Variants in TBCD observed in about 807,000 individuals in gnomAD.
The protein encoded by TBCD is tubulin folding cofactor D, also known as tubulin-specific chaperone D.
TBCD carries 105 observed loss-of-function variants against 169.3 expected under a neutral mutation model. The ratio of observed to expected loss-of-function variants is 0.62; its 90% CI spans 0.53 to 0.73. The LOEUF (loss-of-function observed/expected upper bound fraction) is 0.73, where lower values mean the gene tolerates loss of function less well. Among genes scored for constraint, TBCD ranks in the 30% least tolerant of loss-of-function variants. The pLI is 0.00. For missense variants in TBCD, 1,444 were observed against 1,600.1 expected (o/e 0.90, Z 1.66); for synonymous variants, 700 against 643.9 (o/e 1.09, Z -1.32).
At chr17:82,752,491 T>G in intron 1 of TBCD, 114 bp downstream of exon 1, 1 of 850,874 alleles carries the variant, frequency 1.2e-6, no homozygotes, top group Non-Finnish European at 1.5e-6. Flanking sequence ...CTGCGAGGGC[T>G]GCCGGTGCGC....
intron 13 of TBCD, among the ~76,000 whole-genome samples, chr17:82,845,802 G>A (rs1009414685): frequency 6.6e-6 from 1 of 152,240 alleles, no homozygotes; most frequent in African/African-American, 2.4e-5. Context: ...GGACTTGTGA[G>A]CATCTCTCAC....
intron 22 of TBCD, among the ~76,000 whole-genome samples, chr17:82,911,453 T>C (rs1206728506): frequency 2.0e-5 from 3 of 152,150 alleles, no homozygotes; most frequent in African/African-American, 7.2e-5. Context: ...CTGAGATTAG[T>C]TTCTATAAAG....
chr17:82,909,660 G>A (rs1189866889), intron 22 of TBCD, among the ~76,000 whole-genome samples: 1 of 148,258 alleles, frequency 6.7e-6, no homozygotes, highest in African/African-American at 2.6e-5. Context: ...TGTGGGAGGC[G>A]CGTGAGGGTC....
At chr17:82,892,353 A>G (rs376310266) in intron 16 of TBCD, among the ~76,000 whole-genome samples, 2 of 152,036 alleles carry the variant, frequency 1.3e-5, no homozygotes, top group African/African-American at 4.8e-5. Flanking sequence ...CAACAGCTCC[A>G]CCTGGGTGCA....
intron 6 of TBCD, among the ~76,000 whole-genome samples, chr17:82,777,663 T>C (rs1351114543): frequency 6.6e-6 from 1 of 152,240 alleles, no homozygotes; most frequent in Non-Finnish European, 1.5e-5. Flanking sequence ...AATTTGCTAC[T>C]GCTAACTAAA....
In TBCD at chr17:82,864,714, C is replaced by T. The variant is rs370225978; in HGVS notation, c.1319-5510C>T. Among the ~76,000 whole-genome samples, 7 of 152,220 alleles carry T rather than the reference C, an allele frequency of 4.6e-5. No individual in the cohort carries two copies. In the East Asian group the frequency reaches 5.8e-4, roughly 13 times the overall value. On this transcript the variant is annotated intron_variant, in intron 13 of 38. Coordinates refer to ENST00000355528, the MANE Select transcript of TBCD (RefSeq NM_005993.5). The surrounding 1 kb of genome is among the most constrained non-coding windows in gnomAD (Gnocchi z 6.3). Reference sequence around the variant, plus strand: ...CTTGGGGCTTGGTGCGTGATCCCACCGAGGCCGGGGTTGTGCTTGGGGCAC... The same window carrying T: ...CTTGGGGCTTGGTGCGTGATCCCACTGAGGCCGGGGTTGTGCTTGGGGCAC...
At chr17:82,912,203 C>T (rs1374837700) in intron 23 of TBCD, among the ~76,000 whole-genome samples, 3 of 152,140 alleles carry the variant, frequency 2.0e-5, no homozygotes, top group African/African-American at 4.8e-5. Context: ...GACCAAGAGC[C>T]GTTTTGGGCG....
intron 13 of TBCD, among the ~76,000 whole-genome samples, chr17:82,847,356 G>GAAAAAAAAAAAAAAAAAAAAAAA (rs1041994030): frequency 1.2e-5 from 1 of 81,758 alleles, no homozygotes; most frequent in African/African-American, 4.6e-5. Flanking sequence ...CCATGTCAAA[G>GAAAAAAAAAAAAAAAAAAAAAAA]AAAAAAAAAA....
intron 1 of TBCD, among the ~76,000 whole-genome samples, chr17:82,753,630 A>G (rs937220641): frequency 1.4e-5 from 2 of 142,878 alleles, no homozygotes; most frequent in African/African-American, 2.6e-5. Flanking sequence ...CTAATTTTGT[A>G]TTTTTAGTAG....
intron 7 of TBCD, among the ~76,000 whole-genome samples, chr17:82,794,254 C>CA (rs1568142814): frequency 1.3e-5 from 2 of 152,150 alleles, no homozygotes. Flanking sequence ...GAACATGCCC[C>CA]AGGGGGGGGA....
chr17:82,803,444 C>A (rs964138720), intron 9 of TBCD, among the ~76,000 whole-genome samples: 2 of 152,238 alleles, frequency 1.3e-5, no homozygotes, highest in African/African-American at 4.8e-5. Flanking sequence ...GCTTCCTTAT[C>A]TTGGAGTGCC....
chr17:82,841,472 A>G (rs1319365803), intron 13 of TBCD, among the ~76,000 whole-genome samples: 3 of 151,998 alleles, frequency 2.0e-5, no homozygotes, highest in African/African-American at 7.3e-5. Flanking sequence ...CACGGTCACT[A>G]TGCCTGGAGA....
At chr17:82,929,030 G>C in intron 30 of TBCD, 83 bp from the exon 31 acceptor site, 1 of 1,518,308 alleles carries the variant, frequency 6.6e-7, no homozygotes, top group Admixed American at 1.9e-5. Flanking sequence ...CTGGAGTCAC[G>C]GCTCGGACCG....
rs1263279358 is a variant in TBCD, at chr17:82,903,189, A to G, written c.1731-216A>G. 6.6e-6 allele frequency among the ~76,000 whole-genome samples: 1 copy of G among 151,990 alleles called. No individual in the cohort carries two copies. Among genetic ancestry groups the G allele is most frequent in the Non-Finnish European group, 1.5e-5 (1 of 68,004 alleles). On this transcript the variant is annotated intron_variant, in intron 18 of 38. Coordinates refer to ENST00000355528, the MANE Select transcript of TBCD (RefSeq NM_005993.5). This position sits in a 1 kb window ranked among gnomAD's most constrained non-coding sequence, Gnocchi z 4.8. ...GAAAGGCAGCTGTGTCCCAAGAAGAACCGTGGTTAGCCGTGTGACCTCGCT... is the reference window on the plus strand; with the variant it reads ...GAAAGGCAGCTGTGTCCCAAGAAGAGCCGTGGTTAGCCGTGTGACCTCGCT...
At chr17:82,894,278 T>C (rs879334455) in intron 17 of TBCD, among the ~76,000 whole-genome samples, 9 of 152,216 alleles carry the variant, frequency 5.9e-5, no homozygotes, top group Non-Finnish European at 1.0e-4. Context: ...GTTATCTTAG[T>C]TGATCCATTG....
At chr17:82,754,134 C>G (rs1224273505) in intron 1 of TBCD, among the ~76,000 whole-genome samples, 23 of 151,812 alleles carry the variant, frequency 1.5e-4, no homozygotes, top group Non-Finnish European at 8.8e-5. Flanking sequence ...CTCAGCCTCC[C>G]AAAGTGAGCC....
chr17:82,841,763 G>A (rs2054545690), intron 13 of TBCD, among the ~76,000 whole-genome samples: 1 of 152,200 alleles, frequency 6.6e-6, no homozygotes, highest in South Asian at 2.1e-4. Context: ...TGCTGCTTCT[G>A]TTTCATGGAC....
chr17:82,805,392 C>T lies in TBCD; in HGVS notation c.951-483C>T, dbSNP rs3791168. 5.3e-5 allele frequency among the ~76,000 whole-genome samples: 8 copies of T among 152,284 alleles called. No individual in the cohort carries two copies. The East Asian group carries it at 7.7e-4, about 15-fold the overall frequency. Reference sequence around the variant, plus strand: ...CCATGTGGGTGTGAAGAGGGCTACACGTTGCTGCCTTTTGAGGGGCATTCG... The same window carrying T: ...CCATGTGGGTGTGAAGAGGGCTACATGTTGCTGCCTTTTGAGGGGCATTCG... On this transcript the variant is annotated intron_variant, in intron 9 of 38. Transcript: ENST00000355528.
At position 82,864,841 on chromosome 17, in the gene TBCD, GCCTGCTCACTCCCCGGGGCACCGTGGGGA is replaced by G. The variant is rs2057042941; in HGVS notation, c.1319-5381_1319-5353del. Among the ~76,000 whole-genome samples, 1 of 114,332 alleles carries G rather than the reference GCCTGCTCACTCCCCGGGGCACCGTGGGGA, an allele frequency of 8.7e-6. No homozygotes were observed. Among genetic ancestry groups the G allele is most frequent in the African/African-American group, 3.2e-5 (1 of 31,578 alleles). The allele number at this position is 114,332 out of a possible 152,430, so 75.0% of individuals were successfully genotyped here. ...CCGGGGCACCGTGGGGACAGCGGGG[GCCTGCTCACTCCCCGGGGCACCGTGGGGA>G]CAGCGGGGGCCTGCTCACTCCCTGG... On this transcript the variant is annotated intron_variant, in intron 13 of 38. Coordinates refer to ENST00000355528, the MANE Select transcript of TBCD (RefSeq NM_005993.5). The surrounding 1 kb of genome is among the most constrained non-coding windows in gnomAD (Gnocchi z 6.3).
Sources: gnomAD v4.1 joint callset for allele counts (sites outside exome capture counted in the v4.1 genomes callset) on GRCh38, gnomAD v4.1.1 for gene constraint, Gnocchi (gnomAD v3.1) non-coding constraint, MANE v1.5 for transcripts, NCBI Gene and HGNC (gene_info 2026-07-23, HGNC 2026-07-21) for gene names.